DOK6: variants seen among roughly 807,000 people sequenced by gnomAD.
The protein encoded by DOK6 is docking protein 6.
In DOK6, 22 loss-of-function variants were observed where a neutral mutation model predicts 44.0. That is an observed-to-expected ratio of 0.50 (90% confidence interval 0.36 to 0.71). DOK6 has a LOEUF of 0.71. Among genes scored for constraint, DOK6 ranks in the 30% least tolerant of loss-of-function variants. DOK6 has a pLI of 0.00. For synonymous variants in DOK6, 166 were observed against 145.5 expected, an observed-to-expected ratio of 1.14 and a Z score of -1.01; for missense variants, 340 against 416.4, an observed-to-expected ratio of 0.82 and a Z score of 1.60.
intron 1 of DOK6, among the ~76,000 whole-genome samples, chr18:69,486,592 G>A (rs1424056841): frequency 6.6e-6 from 1 of 152,156 alleles, no homozygotes; most frequent in Non-Finnish European, 1.5e-5. Flanking sequence ...TGATCAAATT[G>A]TAATGCCAGT....
chr18:69,690,352 A>C (rs1167617386), intron 4 of DOK6, among the ~76,000 whole-genome samples: 1 of 152,198 alleles, frequency 6.6e-6, no homozygotes, highest in Non-Finnish European at 1.5e-5. Flanking sequence ...GTGGAGATGG[A>C]GTCACAATTT....
At chr18:69,519,094 A>G (rs2144563155) in intron 1 of DOK6, among the ~76,000 whole-genome samples, 1 of 152,200 alleles carries the variant, frequency 6.6e-6, no homozygotes, top group Middle Eastern at 3.4e-3. Context: ...TAATATTAAA[A>G]ATAAGATTAA....
At chr18:69,693,948 A>G (rs960994397) in intron 4 of DOK6, among the ~76,000 whole-genome samples, 13 of 149,926 alleles carry the variant, frequency 8.7e-5, no homozygotes, top group Non-Finnish European at 1.5e-4. Flanking sequence ...AGTCCCAGCT[A>G]CTCGGGAGGC....
intron 5 of DOK6, 125 bp from the exon 6 acceptor site, chr18:69,738,840 G>A: frequency 8.4e-7 from 1 of 1,191,120 alleles, no homozygotes; most frequent in South Asian, 1.5e-5. Flanking sequence ...GGCTGAATCA[G>A]CCTCACTAAC....
chr18:69,679,099 C>A (rs950475944), intron 4 of DOK6, among the ~76,000 whole-genome samples: 4 of 152,178 alleles, frequency 2.6e-5, no homozygotes, highest in African/African-American at 9.6e-5. Context: ...TCGCTTGAGC[C>A]TGGGAGGCAG....
rs755441446 is a variant in DOK6 at position 69,695,807 on chromosome 18, C to T, written c.410-2597C>T. ...ATTGAAAATATAAATATAATCTTAG[C>T]ATAATGTCTTTCTAAAGTTGCAAGA... is the stretch of plus-strand genomic sequence containing the variant. On this transcript the variant is annotated intron_variant, in intron 4 of 7. Transcript: ENST00000382713. Among the ~76,000 whole-genome samples the T allele has an allele frequency of 3.4e-4, 52 of 152,116 alleles. 1 individual carries two copies. Among genetic ancestry groups the T allele is most frequent in the Admixed American group, 2.7e-3 (41 of 15,268 alleles).
intron 1 of DOK6, among the ~76,000 whole-genome samples, chr18:69,531,647 T>C (rs1169564618): frequency 6.6e-6 from 1 of 152,104 alleles, no homozygotes; most frequent in Non-Finnish European, 1.5e-5. Context: ...GTTCATTCCT[T>C]TTGTTCTCAT....
intron 5 of DOK6, among the ~76,000 whole-genome samples, chr18:69,699,899 AG>A (rs1986473896): frequency 6.6e-6 from 1 of 152,124 alleles, no homozygotes; most frequent in Admixed American, 6.5e-5. Flanking sequence ...CCAAAGGAAG[AG>A]GTTTAATGGA....
intron 6 of DOK6, among the ~76,000 whole-genome samples, chr18:69,747,606 C>T (rs985653190): frequency 6.6e-6 from 1 of 151,156 alleles, no homozygotes. Flanking sequence ...CCCTCCCCCC[C>T]ACAGAAGATA....
chr18:69,709,213 ATGCATTAGCCTCACAACTTGTGAGG>A, intron 5 of DOK6, among the ~76,000 whole-genome samples: 1 of 152,306 alleles, frequency 6.6e-6, no homozygotes, highest in South Asian at 2.1e-4. Context: ...TAATAACCAC[ATGCATTAGCCTCACAACTTGTGAGG>A]CTTGAAATCT....
chr18:69,587,770 A>ACACACACACAC (rs1983537798), intron 2 of DOK6, among the ~76,000 whole-genome samples: 261 of 149,172 alleles, frequency 1.7e-3, no homozygotes, highest in African/African-American at 6.2e-3. Flanking sequence ...TGTAAATTTA[A>ACACACACACAC]ACACACACAC....
chr18:69,428,827 G>A (rs2122419380), intron 1 of DOK6, among the ~76,000 whole-genome samples: 1 of 152,308 alleles, frequency 6.6e-6, no homozygotes, highest in East Asian at 1.9e-4. Flanking sequence ...GAGTGTCAGT[G>A]TGGTACTATA....
intron 1 of DOK6, among the ~76,000 whole-genome samples, chr18:69,478,189 G>A (rs548513061): frequency 2.2e-4 from 34 of 152,244 alleles, no homozygotes; most frequent in African/African-American, 7.0e-4. Flanking sequence ...GAGGCTTTCC[G>A]AATCACGCTA....
intron 1 of DOK6, among the ~76,000 whole-genome samples, chr18:69,455,168 AAAAAAAG>A (rs1293362641): frequency 7.1e-6 from 1 of 140,836 alleles, no homozygotes; most frequent in Admixed American, 7.5e-5. Context: ...AAAAAAAAAA[AAAAAAAG>A]AAAAGAAAAA....
chr18:69,499,521 C>G, intron 1 of DOK6, among the ~76,000 whole-genome samples: 1 of 152,138 alleles, frequency 6.6e-6, no homozygotes, highest in Non-Finnish European at 1.5e-5. Context: ...AAATTTTACT[C>G]CCCAAAACAC....
At chr18:69,530,508 A>T (rs548919386) in intron 1 of DOK6, among the ~76,000 whole-genome samples, 1 of 152,284 alleles carries the variant, frequency 6.6e-6, no homozygotes, top group African/African-American at 2.4e-5. Context: ...ACCAAGAAAG[A>T]TGAGAAGTAC....
At chr18:69,823,506 G>A (rs775834380) in intron 7 of DOK6, among the ~76,000 whole-genome samples, 1 of 152,144 alleles carries the variant, frequency 6.6e-6, no homozygotes, top group Non-Finnish European at 1.5e-5. Context: ...TGGAAACTAT[G>A]TGTAGTTTCT....
At position 69,566,144 on chromosome 18, in the gene DOK6, T is replaced by TTTATTTAC. The variant is rs1555713496; in HGVS notation, c.174+1553_174+1554insTTTACTTA. 3.2e-3 allele frequency among the ~76,000 whole-genome samples: 465 copies of TTTATTTAC among 144,712 alleles called. 2 individuals are homozygous for TTTATTTAC. Among genetic ancestry groups the TTTATTTAC allele is most frequent in the African/African-American group, 0.011 (439 of 40,030 alleles). 94.9% of individuals were successfully genotyped at this position (144,712 alleles called of 152,430 possible). On this transcript the variant is annotated intron_variant, in intron 2 of 7. Coordinates refer to ENST00000382713, the MANE Select transcript of DOK6 (RefSeq NM_152721.6). ...ATTTATTTATTTATTTATTTATTTA[T>TTTATTTAC]TTACTTATTTATAGACGGAGTCTGG...
intron 2 of DOK6, among the ~76,000 whole-genome samples, chr18:69,586,349 G>A (rs1254203815): frequency 1.3e-5 from 2 of 152,232 alleles, no homozygotes; most frequent in Admixed American, 6.5e-5. Context: ...TTTATTATGG[G>A]CAAGAGTGGA....
Sources: gnomAD v4.1 joint callset for allele counts (sites outside exome capture counted in the v4.1 genomes callset) on GRCh38, gnomAD v4.1.1 for gene constraint, MANE v1.5 for transcripts, NCBI Gene and HGNC (gene_info 2026-07-23, HGNC 2026-07-21) for gene names.